Variants in PCDH15 observed in about 807,000 individuals in gnomAD.
The protein encoded by PCDH15 is protocadherin-15.
Under a neutral mutation model 178.5 loss-of-function variants are expected in PCDH15, and 129 were observed. The ratio of observed to expected loss-of-function variants is 0.72; its 90% CI spans 0.63 to 0.84. PCDH15 has a LOEUF of 0.84. Ranked by LOEUF, PCDH15 falls within the 40% of genes least tolerant of loss-of-function variation. PCDH15 has a pLI of 0.00. For missense variants in PCDH15, 2,230 were observed against 2,099.9 expected (o/e 1.06, Z -1.21); for synonymous variants, 800 against 732.0 (o/e 1.09, Z -1.50).
chr10:53,938,591 C>G (rs1003176144), intron 25 of PCDH15, among the ~76,000 whole-genome samples: 1 of 152,056 alleles, frequency 6.6e-6, no homozygotes, highest in Non-Finnish European at 1.5e-5. Flanking sequence ...ATTGGATACA[C>G]AATTTGAAAA....
intron 2 of PCDH15, among the ~76,000 whole-genome samples, chr10:55,116,699 A>G (rs1837635984): frequency 6.6e-6 from 1 of 152,182 alleles, no homozygotes; most frequent in Non-Finnish European, 1.5e-5. Flanking sequence ...AATGAAGTTC[A>G]GGACATGCTA....
At chr10:54,545,234 TA>T (rs767245367) in intron 2 of PCDH15, among the ~76,000 whole-genome samples, 39 of 152,312 alleles carry the variant, frequency 2.6e-4, no homozygotes, top group Admixed American at 5.9e-4. Context: ...CTTTCTCTAC[TA>T]AAATAGCTTC....
chr10:54,468,809 T>C (rs1326745045), intron 3 of PCDH15, among the ~76,000 whole-genome samples: 2 of 152,174 alleles, frequency 1.3e-5, no homozygotes, highest in African/African-American at 4.8e-5. Flanking sequence ...ATAATATTTG[T>C]TTTATATGTC....
intron 26 of PCDH15, among the ~76,000 whole-genome samples, chr10:53,899,900 C>T (rs779359377): frequency 6.6e-6 from 1 of 152,162 alleles, no homozygotes; most frequent in Non-Finnish European, 1.5e-5. Flanking sequence ...CCCTTCCGCT[C>T]GTAAATCCCT....
At chr10:54,396,489 A>G (rs999754948) in intron 3 of PCDH15, among the ~76,000 whole-genome samples, 1 of 152,138 alleles carries the variant, frequency 6.6e-6, no homozygotes, top group African/African-American at 2.4e-5. Context: ...AATTGAGGAA[A>G]AAAATATTAT....
At chr10:53,839,040 T>C (rs554077085) in intron 29 of PCDH15, among the ~76,000 whole-genome samples, 228 of 151,652 alleles carry the variant, frequency 1.5e-3, no homozygotes, top group Non-Finnish European at 2.6e-3. Context: ...CCGTCTCTAC[T>C]AAAAATACAA....
At chr10:55,027,096 G>T (rs973503418) in intron 2 of PCDH15, among the ~76,000 whole-genome samples, 1 of 151,912 alleles carries the variant, frequency 6.6e-6, no homozygotes, top group African/African-American at 2.4e-5. Context: ...GCTGGTAGTA[G>T]TAAAACAGAG....
At position 54,402,452 on chromosome 10, in the gene PCDH15, C is replaced by T. The variant is rs193045193; in HGVS notation, c.158-23510G>A. On this transcript the variant is annotated intron_variant, in intron 3 of 37. Transcript: ENST00000644397. ...TCGTTTATGTATAAAATATTAAATA[C>T]AGATAGGCCACCTTTTATTGCTTTC... Among the ~76,000 whole-genome samples, 619 of 151,934 alleles carry T rather than the reference C, an allele frequency of 4.1e-3. 5 individuals carry two copies. The highest frequency in any genetic ancestry group is 0.014 in the African/African-American group (586 of 41,470).
chr10:55,239,376 C>A (rs1285016006), intron 1 of PCDH15, among the ~76,000 whole-genome samples: 1 of 151,958 alleles, frequency 6.6e-6, no homozygotes, highest in Non-Finnish European at 1.5e-5. Flanking sequence ...TAATAGAGAA[C>A]CCAGAAATAA....
At chr10:54,559,136 A>G (rs2087713553) in intron 2 of PCDH15, among the ~76,000 whole-genome samples, 1 of 152,018 alleles carries the variant, frequency 6.6e-6, no homozygotes, top group African/African-American at 2.4e-5. Flanking sequence ...TTCTTTTATC[A>G]TATGTATGCT....
At chr10:54,180,847 G>T (rs1248856687) in intron 13 of PCDH15, among the ~76,000 whole-genome samples, 2 of 152,142 alleles carry the variant, frequency 1.3e-5, no homozygotes, top group Non-Finnish European at 2.9e-5. Flanking sequence ...ACAAACAACA[G>T]TCTATCTTCA....
rs374908565 is a variant in PCDH15 at position 54,559,850 on chromosome 10, T to TTAAAAAA, written c.92-31974_92-31973insTTTTTTA. ...TTTGACATCTTGGTTTGTCTTATAGTAAAAAAAAAAAAAAAAAAAAAAAAG... is the reference window on the plus strand; with the variant it reads ...TTTGACATCTTGGTTTGTCTTATAGTTAAAAAAAAAAAAAAAAAAAAAAAAAAAAAAG... On this transcript the variant is annotated intron_variant, in intron 2 of 37. Coordinates refer to ENST00000644397, the MANE Select transcript of PCDH15 (RefSeq NM_001384140.1). 5.5e-5 allele frequency among the ~76,000 whole-genome samples: 4 copies of TTAAAAAA among 73,100 alleles called. No homozygotes were observed. The Admixed American group carries it at 6.5e-4, about 12-fold the overall frequency. The allele number at this position is 73,100 out of a possible 152,430, so 48.0% of individuals were successfully genotyped here. A position where few individuals can be genotyped will look rare whatever the true frequency, so the allele number is the denominator to read the frequency against.
At chr10:55,558,568 A>C (rs529951242) in intron 2 of PCDH15, among the ~76,000 whole-genome samples, 1 of 152,276 alleles carries the variant, frequency 6.6e-6, no homozygotes, top group Non-Finnish European at 1.5e-5. Context: ...TTTATTTATA[A>C]AAATAATGTA....
At chr10:54,500,695 T>C (rs35492590) in intron 3 of PCDH15, among the ~76,000 whole-genome samples, 2 of 151,956 alleles carry the variant, frequency 1.3e-5, no homozygotes, top group Non-Finnish European at 2.9e-5. Context: ...CTGGGTATGG[T>C]GGTGCACGCC....
chr10:53,840,781 A>G (rs1217905103), intron 28 of PCDH15, among the ~76,000 whole-genome samples: 1 of 152,202 alleles, frequency 6.6e-6, no homozygotes, highest in Non-Finnish European at 1.5e-5. Flanking sequence ...TACATGAGAA[A>G]TGCCAAATAT....
chr10:54,232,380 C>T (rs1395147639), intron 9 of PCDH15, among the ~76,000 whole-genome samples: 1 of 152,178 alleles, frequency 6.6e-6, no homozygotes, highest in African/African-American at 2.4e-5. Context: ...GAACTGTGAG[C>T]CACTTAAACC....
At chr10:55,074,430 T>C (rs934601856) in intron 2 of PCDH15, among the ~76,000 whole-genome samples, 6 of 152,184 alleles carry the variant, frequency 3.9e-5, no homozygotes, top group Non-Finnish European at 8.8e-5. Flanking sequence ...TGGTATCTCA[T>C]TGTGGGTTTG....
intron 2 of PCDH15, among the ~76,000 whole-genome samples, chr10:54,582,777 G>T (rs1249044150): frequency 1.3e-5 from 2 of 151,998 alleles, no homozygotes; most frequent in East Asian, 1.9e-4. Context: ...AGCTGGGAAT[G>T]GTGGTGCACA....
intron 3 of PCDH15, among the ~76,000 whole-genome samples, chr10:54,894,248 C>T (rs1954512503): frequency 6.6e-6 from 1 of 151,962 alleles, no homozygotes; most frequent in Non-Finnish European, 1.5e-5. Flanking sequence ...TTGTTCAGTG[C>T]AATTAGAAGA....
Sources: allele counts gnomAD v4.1 joint callset (sites outside exome capture counted in the v4.1 genomes callset), GRCh38; gene constraint gnomAD v4.1.1; transcripts MANE v1.5; gene names NCBI Gene and HGNC (gene_info 2026-07-23, HGNC 2026-07-21).